Variants in DNAAF5 observed in about 807,000 individuals in gnomAD.
DNAAF5 encodes dynein axonemal assembly factor 5.
In DNAAF5, 64 loss-of-function variants were observed where a neutral mutation model predicts 75.8. The observed-to-expected ratio is 0.84, with a 90% CI of 0.69 to 1.04. The LOEUF (loss-of-function observed/expected upper bound fraction) is 1.04, where lower values mean the gene tolerates loss of function less well. DNAAF5 is among the 50% of genes least tolerant of loss of function. The probability of loss-of-function intolerance (pLI) is 0.00; values close to 1 mark genes in which losing one functional copy is unlikely to be tolerated. For missense variants in DNAAF5, 1,269 were observed against 1,178.5 expected (o/e 1.08, Z -1.12); for synonymous variants, 657 against 557.2 (o/e 1.18, Z -2.52).
At chr7:731,180 C>T (rs756136625) in intron 2 of DNAAF5, among the ~76,000 whole-genome samples, 3 of 152,174 alleles carry the variant, frequency 2.0e-5, no homozygotes, top group Non-Finnish European at 4.4e-5. Context: ...AGTCTTACTC[C>T]TCAAAACAGT....
At chr7:780,647 C>T (rs1177216287) in intron 12 of DNAAF5, among the ~76,000 whole-genome samples, 3 of 152,114 alleles carry the variant, frequency 2.0e-5, no homozygotes, top group Non-Finnish European at 4.4e-5. Context: ...ATTTTAGTAG[C>T]CTTTTCAGAT....
chr7:729,809 T>C lies in DNAAF5; in HGVS notation c.742T>C (p.Ser248Pro). 6.2e-7 allele frequency: 1 copy of C among 1,614,222 alleles called. No individual in the cohort carries two copies. The highest frequency in any genetic ancestry group is 1.1e-5 in the South Asian group (1 of 91,082). The change falls in exon 2 of 13, where the codon TCC becomes CCC. Residue 248 changes from serine to proline, a missense_variant. Ser to Pro is a moderately conservative substitution (Grantham distance 74). Coordinates refer to ENST00000297440, the MANE Select transcript of DNAAF5 (RefSeq NM_017802.4). ...GNGKSVDDVL[S>P]HFAQRLFDDV... ...CGGGAAGTCCGTGGACGACGTGCTTTCCCATTTTGCTCAGCGACTGTTTGA... is the reference window on the plus strand; with the variant it reads ...CGGGAAGTCCGTGGACGACGTGCTTCCCCATTTTGCTCAGCGACTGTTTGA...
intron 11 of DNAAF5, among the ~76,000 whole-genome samples, chr7:779,249 G>A (rs969009273): frequency 4.6e-5 from 7 of 152,122 alleles, no homozygotes; most frequent in Admixed American, 1.3e-4. Flanking sequence ...GCGGGCAGCC[G>A]CCCCTCCCAG....
In DNAAF5 at chr7:753,055, C is replaced by T. The variant is rs539989673; in HGVS notation, c.1025-1534C>T. 9.8e-5 allele frequency among the ~76,000 whole-genome samples: 15 copies of T among 152,362 alleles called. No homozygotes were observed. In the South Asian group the frequency reaches 1.0e-3, roughly 11 times the overall value. ...GCTTTCAATTCAAGACTGAGCGTAC[C>T]GCGTGCCGCTGAGAGTGGGAAGGAG... is the stretch of plus-strand genomic sequence containing the variant. On this transcript the variant is annotated intron_variant, in intron 4 of 12. Coordinates refer to ENST00000297440, the MANE Select transcript of DNAAF5 (RefSeq NM_017802.4).
chr7:757,690 G>A lies in DNAAF5; in HGVS notation c.1470+696G>A, dbSNP rs145413225. ...TGTATTCCATGGAAGAAGAGGTGATGGCTTTGCTTTCATTTGAAGGTGAGT... is the reference window on the plus strand; with the variant it reads ...TGTATTCCATGGAAGAAGAGGTGATAGCTTTGCTTTCATTTGAAGGTGAGT... On this transcript the variant is annotated intron_variant, in intron 6 of 12. Transcript: ENST00000297440. Among the ~76,000 whole-genome samples the A allele has an allele frequency of 1.3e-4, 20 of 152,372 alleles. No individual in the cohort carries two copies. The East Asian group carries it at 2.9e-3, about 22-fold the overall frequency.
At chr7:751,424 C>T in intron 4 of DNAAF5, among the ~76,000 whole-genome samples, 1 of 152,008 alleles carries the variant, frequency 6.6e-6, no homozygotes. Flanking sequence ...TACTTAAGCC[C>T]AGAAGGTCAG....
At chr7:753,240 C>G (rs916543884) in intron 4 of DNAAF5, among the ~76,000 whole-genome samples, 1 of 152,238 alleles carries the variant, frequency 6.6e-6, no homozygotes, top group East Asian at 1.9e-4. Flanking sequence ...TTGAATGCTT[C>G]TCCACAGAGG....
intron 4 of DNAAF5, among the ~76,000 whole-genome samples, chr7:753,621 G>A (rs143535167): frequency 1.7e-3 from 259 of 150,672 alleles, no homozygotes; most frequent in African/African-American, 5.8e-3. Flanking sequence ...ATATGGGGAC[G>A]GCTTCACAGG....
At chr7:778,312 C>A (rs1174555181) in intron 11 of DNAAF5, 1 of 152,208 alleles carries the variant, frequency 6.6e-6, no homozygotes, top group Non-Finnish European at 1.5e-5. Flanking sequence ...CAAAAGGTTC[C>A]TTGAGAGGCC....
At chr7:730,607 C>T (rs1431385859) in intron 2 of DNAAF5, among the ~76,000 whole-genome samples, 2 of 152,172 alleles carry the variant, frequency 1.3e-5, no homozygotes, top group Non-Finnish European at 2.9e-5. Flanking sequence ...GATGGAAGCC[C>T]TGACTCGCTC....
chr7:764,223 G>C (rs751390079), intron 8 of DNAAF5, among the ~76,000 whole-genome samples: 2 of 152,254 alleles, frequency 1.3e-5, no homozygotes, highest in Admixed American at 6.5e-5. Context: ...AACCTTCAAA[G>C]TGTGCTTTTC....
At chr7:751,655 C>G (rs943919082) in intron 4 of DNAAF5, among the ~76,000 whole-genome samples, 1 of 150,966 alleles carries the variant, frequency 6.6e-6, no homozygotes, top group Non-Finnish European at 1.5e-5. Flanking sequence ...CTCACTGCAA[C>G]CCCCACCTCC....
chr7:737,438 C>T (rs2128071665), intron 2 of DNAAF5, among the ~76,000 whole-genome samples: 1 of 152,334 alleles, frequency 6.6e-6, no homozygotes, highest in Non-Finnish European at 1.5e-5. Flanking sequence ...TCTTTCTAGT[C>T]AAGATGTGAG....
At position 785,551 on chromosome 7, in the gene DNAAF5, T is replaced by A; in HGVS notation, c.2466T>A (p.Asp822Glu). The A allele has an allele frequency of 6.2e-7, 1 of 1,613,656 alleles. No individual in the cohort carries two copies. Among genetic ancestry groups the A allele is most frequent in the Non-Finnish European group, 8.5e-7 (1 of 1,180,002 alleles). Reference protein sequence around the residue: ...VLKEGSGLFPDLLVRETEAVI... With the variant: ...VLKEGSGLFPELLVRETEAVI... The stretch of plus-strand genomic sequence containing the variant: ...AAGAGGGCAGCGGGCTGTTCCCAGA[T>A]CTCCTGGTGAGGGAGACGGAGGCCG... The change falls in exon 13 of 13, where the codon GAT becomes GAA. Residue 822 changes from aspartate (D) to glutamate (E), a missense_variant. Coordinates refer to ENST00000297440, the MANE Select transcript of DNAAF5 (RefSeq NM_017802.4).
intron 4 of DNAAF5, among the ~76,000 whole-genome samples, chr7:744,185 C>T (rs1782010008): frequency 2.0e-5 from 3 of 151,940 alleles, no homozygotes; most frequent in South Asian, 4.1e-4. Context: ...TGAGAATATG[C>T]GGCGTTTGGT....
rs765221573 is a variant in DNAAF5, at chr7:775,144, C to T, written c.2221C>T (p.Leu741Phe). ...TSGGMTDPEK[L>F]IRIYPELLKR... ...GGGCGGCATGACGGATCCAGAGAAA[C>T]TCATCAGGATTTATCCTGGTAGGAC... Residue 741 changes from leucine to phenylalanine, a missense_variant, in exon 11 of 13, where the codon CTC becomes TTC. Physicochemically the swap from Leu to Phe is conservative, Grantham distance 22. Coordinates refer to ENST00000297440, the MANE Select transcript of DNAAF5 (RefSeq NM_017802.4). 20 of 1,614,000 alleles carry T rather than the reference C, an allele frequency of 1.2e-5. No individual in the cohort carries two copies. The South Asian group carries it at 1.8e-4, about 14-fold the overall frequency.
intron 8 of DNAAF5, chr7:769,241 T>C: frequency 1.3e-6 from 1 of 750,416 alleles, no homozygotes. Context: ...CAGTGGACGC[T>C]CCCTCTACAC....
At chr7:733,979 ATTTG>A (rs1243646808) in intron 2 of DNAAF5, among the ~76,000 whole-genome samples, 2 of 152,138 alleles carry the variant, frequency 1.3e-5, no homozygotes, top group Non-Finnish European at 2.9e-5. Context: ...ACTTTACTGA[ATTTG>A]TTTATCTGTT....
At chr7:783,969 A>T (rs1201727402) in intron 12 of DNAAF5, among the ~76,000 whole-genome samples, 2 of 146,414 alleles carry the variant, frequency 1.4e-5, no homozygotes, top group Non-Finnish European at 3.0e-5. Flanking sequence ...GGTACAGGCC[A>T]TTCTTTCTCC....
Sources: allele counts gnomAD v4.1 joint callset (sites outside exome capture counted in the v4.1 genomes callset), GRCh38; gene constraint gnomAD v4.1.1; transcripts MANE v1.5; gene names NCBI Gene and HGNC (gene_info 2026-07-23, HGNC 2026-07-21).